Variants in SNU13 observed in about 807,000 individuals in gnomAD.
SNU13 encodes small nuclear ribonucleoprotein 13.
SNU13 carries 2 observed loss-of-function variants against 12.4 expected under a neutral mutation model. The ratio of observed to expected loss-of-function variants is 0.16; its 90% CI spans 0.07 to 0.51. The LOEUF is 0.51. Among genes scored for constraint, SNU13 ranks in the 20% least tolerant of loss-of-function variants. SNU13 has a pLI of 0.96. For missense variants in SNU13, 66 were observed against 157.8 expected, an observed-to-expected ratio of 0.42 and a Z score of 3.12; for synonymous variants, 68 against 66.5, an observed-to-expected ratio of 1.02 and a Z score of -0.11.
intron 2 of SNU13, among the ~76,000 whole-genome samples, chr22:41,678,271 G>C (rs1325470018): frequency 6.6e-6 from 1 of 152,034 alleles, no homozygotes; most frequent in East Asian, 1.9e-4. Flanking sequence ...CACCGCGCCC[G>C]GCCTCTTACA....
intron 1 of SNU13, chr22:41,682,500 T>C (rs1039844220): frequency 9.6e-6 from 15 of 1,562,998 alleles, no homozygotes; most frequent in African/African-American, 4.1e-5. Flanking sequence ...CCAGCGGAAG[T>C]GACGTCCAGG....
At chr22:41,680,740 G>C (rs774558840) in intron 1 of SNU13, among the ~76,000 whole-genome samples, 3 of 152,088 alleles carry the variant, frequency 2.0e-5, no homozygotes, top group Non-Finnish European at 4.4e-5. Context: ...TGTTGCCCAC[G>C]CTGGAGTGCA....
rs555114796 is a variant in SNU13 at position 41,676,896 on chromosome 22, G to T, written c.125-1701C>A. Among the ~76,000 whole-genome samples the T allele has an allele frequency of 9.2e-5, 14 of 152,140 alleles. No homozygotes were observed. The East Asian group carries it at 1.5e-3, about 17-fold the overall frequency. The stretch of plus-strand genomic sequence containing the variant: ...TAGAAGAGTCTTTTTGTTTCTCTTA[G>T]TATCAGTCTCCCTTTTCATGTCATC... On this transcript the variant is annotated intron_variant, in intron 2 of 2. Coordinates refer to ENST00000401959, the MANE Select transcript of SNU13 (RefSeq NM_001003796.2).
chr22:41,678,285 T>TAAAACCTATG (rs2068232371), intron 2 of SNU13, among the ~76,000 whole-genome samples: 1 of 152,166 alleles, frequency 6.6e-6, no homozygotes, highest in African/African-American at 2.4e-5. Context: ...TCTTACAGCA[T>TAAAACCTATG]TCTTTACCAC....
chr22:41,684,225 C>T (rs1313003611), intron 1 of SNU13, among the ~76,000 whole-genome samples: 1 of 152,022 alleles, frequency 6.6e-6, no homozygotes, highest in African/African-American at 2.4e-5. Flanking sequence ...GTTTAATAGG[C>T]AAAAGAAAGA....
At chr22:41,680,067 T>C (rs1457443536) in intron 2 of SNU13, among the ~76,000 whole-genome samples, 177 bp downstream of exon 2, 1 of 152,156 alleles carries the variant, frequency 6.6e-6, no homozygotes, top group Non-Finnish European at 1.5e-5. Flanking sequence ...ATGTTAACAA[T>C]TGGTGGGTCT....
intron 1 of SNU13, chr22:41,688,433 A>G (rs895001520): frequency 1.4e-5 from 3 of 217,926 alleles, no homozygotes; most frequent in Non-Finnish European, 2.7e-5. Context: ...AGAAACAAGG[A>G]AAAAAAAAAG....
At chr22:41,676,938 TC>T (rs1226990850) in intron 2 of SNU13, among the ~76,000 whole-genome samples, 1 of 152,222 alleles carries the variant, frequency 6.6e-6, no homozygotes, top group Admixed American at 6.5e-5. Flanking sequence ...ATCTTTTACC[TC>T]ACATTGCATT....
In SNU13 at chr22:41,675,076, AC is replaced by A; in HGVS notation, c.243del (p.Phe82LeufsTer31). On this transcript the variant is annotated frameshift_variant, in exon 3 of 3. Transcript: ENST00000401959. LOFTEE classifies it high-confidence loss of function. ...LLCEDKNVPY[V>X]FVRSKQALGR... is the part of the protein sequence containing the mutation. ...CCCAGGGCCTGCTTGGAGCGCACAAACACGTAGGGCACATTCTTGTCTTCAC... is the reference window on the plus strand; with the variant it reads ...CCCAGGGCCTGCTTGGAGCGCACAAAACGTAGGGCACATTCTTGTCTTCAC... 1.2e-6 allele frequency: 2 copies of A among 1,614,174 alleles called. No individual in the cohort carries two copies. The highest frequency in any genetic ancestry group is 1.7e-6 in the Non-Finnish European group (2 of 1,180,022).
In SNU13 at chr22:41,688,778, C is replaced by T. The variant is rs1481173651; in HGVS notation, c.3+16G>A. 3.1e-6 allele frequency: 5 copies of T among 1,598,580 alleles called. No individual in the cohort carries two copies. In the African/African-American group the frequency reaches 4.0e-5, roughly 13 times the overall value. Reference sequence around the variant, plus strand: ...GTCTCCCGCTTCCCGGTCCCTCGGCCGGCGCACGCACTCACCATGGCTGCG... The same window carrying T: ...GTCTCCCGCTTCCCGGTCCCTCGGCTGGCGCACGCACTCACCATGGCTGCG... On this transcript the variant is annotated intron_variant, in intron 1 of 2. Transcript: ENST00000401959.
At chr22:41,688,619 G>A (rs1054562297) in intron 1 of SNU13, among the ~76,000 whole-genome samples, 175 bp downstream of exon 1, 12 of 152,148 alleles carry the variant, frequency 7.9e-5, no homozygotes, top group Admixed American at 6.6e-4. Context: ...TCTAACCTCG[G>A]GCCAGGCTGC....
chr22:41,678,848 G>T (rs987707585), intron 2 of SNU13, among the ~76,000 whole-genome samples: 2 of 152,204 alleles, frequency 1.3e-5, no homozygotes, highest in African/African-American at 2.4e-5. Context: ...AAAAGCGATT[G>T]TAATAGTTCT....
At chr22:41,688,650 G>T in intron 1 of SNU13, 144 bp downstream of exon 1, 1 of 1,171,126 alleles carries the variant, frequency 8.5e-7, no homozygotes, top group Non-Finnish European at 1.2e-6. Context: ...CCGCTGCTGG[G>T]GTTCTAACTA....
chr22:41,682,438 C>CCAAGCTGCCCA, intron 1 of SNU13: 1 of 1,610,422 alleles, frequency 6.2e-7, no homozygotes, highest in South Asian at 1.1e-5. Flanking sequence ...TGCCCAGCAC[C>CCAAGCTGCCCA]GCAAGGACAC....
chr22:41,683,810 T>C (rs1274108895), intron 1 of SNU13, among the ~76,000 whole-genome samples: 1 of 152,170 alleles, frequency 6.6e-6, no homozygotes, highest in Non-Finnish European at 1.5e-5. Flanking sequence ...CAAACTGAAC[T>C]AGCTTCGTTG....
chr22:41,684,414 T>A (rs2068293208), intron 1 of SNU13, among the ~76,000 whole-genome samples: 2 of 152,210 alleles, frequency 1.3e-5, no homozygotes, highest in Admixed American at 1.3e-4. Flanking sequence ...CTCCCTAGCA[T>A]TAGCATCTTA....
intron 2 of SNU13, among the ~76,000 whole-genome samples, chr22:41,676,250 C>G (rs1019162501): frequency 9.2e-5 from 14 of 152,172 alleles, no homozygotes; most frequent in Non-Finnish European, 1.8e-4. Context: ...ACTCACCATG[C>G]AAGTTCAACA....
Position 41,675,019 on chromosome 22 carries a change from C to T in SNU13, c.301G>A (p.Ala101Thr). The change falls in exon 3 of 3, where the codon GCC becomes ACC. Residue 101 changes from alanine to threonine, a missense_variant. Transcript: ENST00000401959. ...RACGVSRPVIACSVTIKEGSQ... is the reference protein window; with the variant it reads ...RACGVSRPVITCSVTIKEGSQ... ...CCTTCTTTGATGGTGACAGAACAGG[C>T]GATGACAGGCCTGGAGACCCCACAG... 6.2e-7 allele frequency: 1 copy of T among 1,614,126 alleles called. No individual in the cohort carries two copies.
chr22:41,681,097 C>T (rs753487048), intron 1 of SNU13: 1 of 152,248 alleles, frequency 6.6e-6, no homozygotes, highest in Non-Finnish European at 1.5e-5. Flanking sequence ...TTCCCCACTC[C>T]ATATGCGTAT....
Sources: gnomAD v4.1 joint callset for allele counts (sites outside exome capture counted in the v4.1 genomes callset) on GRCh38, gnomAD v4.1.1 for gene constraint, MANE v1.5 for transcripts, NCBI Gene and HGNC (gene_info 2026-07-23, HGNC 2026-07-21) for gene names.